ADAM12: variants seen among roughly 807,000 people sequenced by gnomAD.
The protein encoded by ADAM12 is disintegrin and metalloproteinase domain-containing protein 12.
In ADAM12, 70 loss-of-function variants were observed where a neutral mutation model predicts 106.4. The observed-to-expected ratio is 0.66, with a 90% confidence interval of 0.54 to 0.80. The LOEUF (loss-of-function observed/expected upper bound fraction) is 0.80, where lower values mean the gene tolerates loss of function less well. ADAM12 is among the 30% of genes least tolerant of loss of function. ADAM12 has a pLI of 0.00. For missense variants in ADAM12, 1,010 were observed against 1,171.9 expected, an observed-to-expected ratio of 0.86 and a Z score of 2.02; for synonymous variants, 420 against 433.5, an observed-to-expected ratio of 0.97 and a Z score of 0.39.
At chr10:126,083,597 C>G (rs1955275024) in intron 11 of ADAM12, among the ~76,000 whole-genome samples, 2 of 152,206 alleles carry the variant, frequency 1.3e-5, no homozygotes, top group Admixed American at 6.5e-5. Flanking sequence ...TTTGGTGTAA[C>G]AGAAGACAAA....
chr10:126,118,880 G>A (rs139775725), intron 5 of ADAM12, among the ~76,000 whole-genome samples: 56 of 152,162 alleles, frequency 3.7e-4, no homozygotes, highest in African/African-American at 1.3e-3. Flanking sequence ...TTCAATTCCT[G>A]AGTTATTTCA....
Position 126,064,637 on chromosome 10 carries a change from G to A in ADAM12, c.1609+169C>T. ...TTCTGTGCACCCCATGCCCAGTGCG[G>A]CCTCAGACCCTCCCTGGGAGTCAAT... On this transcript the variant is annotated intron_variant, in intron 14 of 22. Coordinates refer to ENST00000448723, the MANE Select transcript of ADAM12 (RefSeq NM_001288973.2). This position sits in a 1 kb window ranked among gnomAD's most constrained non-coding sequence, Gnocchi z 4.4. 1 of 712,050 alleles carries A rather than the reference G, an allele frequency of 1.4e-6. No individual in the cohort carries two copies. Among genetic ancestry groups the A allele is most frequent in the Non-Finnish European group, 2.3e-6 (1 of 438,058 alleles). 44.1% of individuals were successfully genotyped at this position (712,050 alleles called of 1,614,324 possible). A position where few individuals can be genotyped will look rare whatever the true frequency, so the allele number is the denominator to read the frequency against.
rs140637903 is a variant in ADAM12, at chr10:126,212,546, C to CTTTATTTTAT, written c.261-57251_261-57242dup. ...AGTTAAGCAGCAGCTCTTCATTCCT[C>CTTTATTTTAT]TTTATTTTATTTTATTTTATTTTAT... On this transcript the variant is annotated intron_variant, in intron 3 of 22. Coordinates refer to ENST00000448723, the MANE Select transcript of ADAM12 (RefSeq NM_001288973.2). Among the ~76,000 whole-genome samples the CTTTATTTTAT allele has an allele frequency of 4.6e-3, 699 of 151,744 alleles. 1 individual carries two copies. Among genetic ancestry groups the CTTTATTTTAT allele is most frequent in the African/African-American group, 0.015 (620 of 41,338 alleles).
intron 3 of ADAM12, among the ~76,000 whole-genome samples, chr10:126,199,040 T>C (rs1957649146): frequency 6.6e-6 from 1 of 152,168 alleles, no homozygotes; most frequent in Admixed American, 6.5e-5. Flanking sequence ...TCTGTGTCTT[T>C]TTATGGTGAG....
intron 21 of ADAM12, among the ~76,000 whole-genome samples, chr10:126,020,727 A>G (rs1049918226): frequency 6.6e-6 from 1 of 152,160 alleles, no homozygotes; most frequent in Admixed American, 6.5e-5. Context: ...GTGGTAGCTC[A>G]TGCCTGTAAC....
intron 8 of ADAM12, among the ~76,000 whole-genome samples, chr10:126,107,075 T>C (rs528780522): frequency 1.3e-5 from 2 of 152,130 alleles, no homozygotes; most frequent in Admixed American, 6.5e-5. Flanking sequence ...CACACATACA[T>C]GCATGCAGGG....
chr10:126,181,259 A>G (rs1225827717), intron 3 of ADAM12, among the ~76,000 whole-genome samples: 1 of 152,040 alleles, frequency 6.6e-6, no homozygotes, highest in Non-Finnish European at 1.5e-5. Context: ...TTTAGTAGAG[A>G]TGGGGTTTCA....
chr10:126,051,603 A>AG (rs1954500986), intron 14 of ADAM12, among the ~76,000 whole-genome samples: 3 of 119,402 alleles, frequency 2.5e-5, no homozygotes, highest in Non-Finnish European at 3.9e-5. Flanking sequence ...CCAGCCAGCC[A>AG]CCTGTCCATC....
At position 126,388,106 on chromosome 10, in the gene ADAM12, G is replaced by A. The variant is rs1590855417; in HGVS notation, c.40C>T (p.Leu14Phe). The A allele has an allele frequency of 2.4e-6, 3 of 1,228,314 alleles. No homozygotes were observed. Among genetic ancestry groups the A allele is most frequent in the African/African-American group, 1.6e-5 (1 of 64,368 alleles). The allele number at this position is 1,228,314 out of a possible 1,614,324, so 76.1% of individuals were successfully genotyped here. ...AGAGCACCGGCCAGGGCGAGCAGGA[G>A]GGCGCGGGCGGGGGACACGGGCAGC... Reference protein sequence around the residue: ...RPLPVSPARALLLALAGALLA... With the variant: ...RPLPVSPARAFLLALAGALLA... Residue 14 changes from leucine (L) to phenylalanine (F), a missense_variant, in exon 1 of 23, where the codon CTC (leucine) becomes TTC (phenylalanine). Around this residue, in one of 3 missense-constraint regions of ADAM12, gnomAD observed 391 missense variants for 442.9 expected, o/e 0.88. Transcript: ENST00000448723. This position sits in a 1 kb window ranked among gnomAD's most constrained non-coding sequence, Gnocchi z 4.4.
In ADAM12 at chr10:126,244,855, A is replaced by G. The variant is rs1391122520; in HGVS notation, c.260+34060T>C. 2.0e-5 allele frequency among the ~76,000 whole-genome samples: 3 copies of G among 152,226 alleles called. 1 individual carries two copies. The highest frequency in any genetic ancestry group is 4.4e-5 in the Non-Finnish European group (3 of 68,036). On this transcript the variant is annotated intron_variant, in intron 3 of 22. Transcript: ENST00000448723. ...ATTGAACAGCAAAAGCTTTAAGAGA[A>G]GATGATATTGGAGTTGTACATTAGC... is the stretch of plus-strand genomic sequence containing the variant.
At chr10:126,191,241 A>G (rs927423411) in intron 3 of ADAM12, among the ~76,000 whole-genome samples, 5 of 151,936 alleles carry the variant, frequency 3.3e-5, no homozygotes, top group Non-Finnish European at 7.4e-5. Context: ...CCCTCAAGTG[A>G]TCTGCCTGCC....
At chr10:126,183,251 G>A (rs1024460508) in intron 3 of ADAM12, among the ~76,000 whole-genome samples, 8 of 152,096 alleles carry the variant, frequency 5.3e-5, no homozygotes, top group Non-Finnish European at 8.8e-5. Flanking sequence ...ATATTACAAC[G>A]TAATAATAAT....
At chr10:126,341,782 G>T (rs1854940281) in intron 1 of ADAM12, among the ~76,000 whole-genome samples, 1 of 152,142 alleles carries the variant, frequency 6.6e-6, no homozygotes, top group Non-Finnish European at 1.5e-5. Context: ...GCATGTACGT[G>T]GCTACACACC....
At chr10:126,159,744 T>G (rs779585167) in intron 3 of ADAM12, among the ~76,000 whole-genome samples, 10 of 152,204 alleles carry the variant, frequency 6.6e-5, no homozygotes, top group Non-Finnish European at 1.5e-4. Context: ...AGAGTAATTT[T>G]AGGGTTAAAC....
At chr10:126,319,296 A>G (rs1287836558) in intron 2 of ADAM12, among the ~76,000 whole-genome samples, 2 of 152,128 alleles carry the variant, frequency 1.3e-5, no homozygotes, top group Non-Finnish European at 2.9e-5. Context: ...ACAGCATGGG[A>G]AGGGGGAAAA....
chr10:126,105,510 C>T (rs748384217), intron 8 of ADAM12, among the ~76,000 whole-genome samples: 4 of 152,186 alleles, frequency 2.6e-5, no homozygotes, highest in Non-Finnish European at 5.9e-5. Context: ...CTAAGCCTTC[C>T]GCCCTCTAGG....
chr10:126,088,920 G>A (rs995973480), intron 11 of ADAM12, among the ~76,000 whole-genome samples: 4 of 152,162 alleles, frequency 2.6e-5, no homozygotes, highest in Non-Finnish European at 5.9e-5. Context: ...CATTTGATCT[G>A]GGTGTAGATT....
chr10:126,235,509 C>T (rs1461214212), intron 3 of ADAM12, among the ~76,000 whole-genome samples: 1 of 152,208 alleles, frequency 6.6e-6, no homozygotes, highest in Non-Finnish European at 1.5e-5. Flanking sequence ...GCCTTCTGGC[C>T]TTCCTCGAGG....
At chr10:126,116,459 G>C (rs746490214) in intron 6 of ADAM12, among the ~76,000 whole-genome samples, 15 of 152,112 alleles carry the variant, frequency 9.9e-5, no homozygotes, top group Non-Finnish European at 1.9e-4. Flanking sequence ...CCACCACTAA[G>C]ACAGGTTGCG....
Sources: allele counts gnomAD v4.1 joint callset (sites outside exome capture counted in the v4.1 genomes callset), GRCh38; gene constraint gnomAD v4.1.1; regional missense constraint gnomAD v4.1.1; non-coding constraint Gnocchi (gnomAD v3.1); transcripts MANE v1.5; gene names NCBI Gene and HGNC (gene_info 2026-07-23, HGNC 2026-07-21).